The following GRK7 variants were observed in gnomAD, a reference collection of about 807,000 sequenced individuals.
GRK7 encodes rhodopsin kinase GRK7.
In GRK7, 24 loss-of-function variants were observed where a neutral mutation model predicts 34.1. The ratio of observed to expected loss-of-function variants is 0.70; its 90% CI spans 0.51 to 0.99. GRK7 has a LOEUF of 0.99. GRK7 is among the 50% of genes least tolerant of loss of function. GRK7 has a pLI of 0.00. For missense variants in GRK7, 644 were observed against 707.3 expected, an observed-to-expected ratio of 0.91 and a Z score of 1.02; for synonymous variants, 256 against 279.4, an observed-to-expected ratio of 0.92 and a Z score of 0.84.
intron 4 of GRK7, among the ~76,000 whole-genome samples, chr3:141,803,279 A>T (rs957037772): frequency 1.4e-3 from 209 of 151,518 alleles, no homozygotes; most frequent in African/African-American, 5.0e-3. Flanking sequence ...AAAAAAAAAA[A>T]AAAAAAGCCA....
intron 4 of GRK7, among the ~76,000 whole-genome samples, chr3:141,804,950 CACAT>C (rs1254798095): frequency 7.3e-5 from 11 of 151,532 alleles, no homozygotes; most frequent in South Asian, 6.3e-4. Context: ...CTCACATACA[CACAT>C]ACACACCACA....
At chr3:141,780,833 C>CCGCACTTGGGG in intron 4 of GRK7, 22 bp downstream of exon 4, 1 of 1,596,560 alleles carries the variant, frequency 6.3e-7, no homozygotes, top group Non-Finnish European at 8.6e-7. Context: ...TCCACCTGCC[C>CCGCACTTGGGG]CAAGTGCGGG....
At chr3:141,806,381 G>A (rs1249105217) in intron 4 of GRK7, among the ~76,000 whole-genome samples, 3 of 151,996 alleles carry the variant, frequency 2.0e-5, no homozygotes, top group Non-Finnish European at 2.9e-5. Context: ...TGGCCAACAT[G>A]GTGAAACCCC....
At chr3:141,756,008 T>TA in the GRK7 span, among the ~76,000 whole-genome samples, 221 of 137,568 alleles carry the variant, frequency 1.6e-3, 1 homozygote, top group Middle Eastern at 3.9e-3. Flanking sequence ...CTCAGCAGTT[T>TA]AAAAAAAAAA....
At chr3:141,777,491 ATTTTT>A (rs530806848) in intron 2 of GRK7, among the ~76,000 whole-genome samples, 2 of 80,562 alleles carry the variant, frequency 2.5e-5, no homozygotes, top group African/African-American at 1.2e-4. Flanking sequence ...AGCCCGGCTA[ATTTTT>A]TTTTTTTTTT....
intron 4 of GRK7, among the ~76,000 whole-genome samples, chr3:141,807,335 G>C (rs1483686698): frequency 6.6e-6 from 1 of 152,186 alleles, no homozygotes; most frequent in Non-Finnish European, 1.5e-5. Flanking sequence ...GAGGTGATGA[G>C]CCTAAGAGAG....
intron 4 of GRK7, among the ~76,000 whole-genome samples, chr3:141,804,668 T>G (rs1183323757): frequency 2.0e-5 from 3 of 147,702 alleles, no homozygotes; most frequent in Admixed American, 2.0e-4. Context: ...CACATACACA[T>G]GCACAGATAC....
intron 1 of GRK7, among the ~76,000 whole-genome samples, chr3:141,768,832 T>C (rs1054199203): frequency 6.6e-6 from 1 of 152,152 alleles, no homozygotes; most frequent in Non-Finnish European, 1.5e-5. Flanking sequence ...CAGCATTCGA[T>C]GCAGTTGGCC....
At chr3:141,772,690 C>T (rs1201751348) in intron 1 of GRK7, among the ~76,000 whole-genome samples, 1 of 152,066 alleles carries the variant, frequency 6.6e-6, no homozygotes, top group East Asian at 1.9e-4. Flanking sequence ...TTAAATGATG[C>T]AAAGGGTAAT....
chr3:141,750,016 C>CA, the GRK7 span, among the ~76,000 whole-genome samples: 12,496 of 124,540 alleles, frequency 0.1, 761 homozygotes, highest in African/African-American at 0.21. Flanking sequence ...GACTCCGTCT[C>CA]AAAAAAAAAA....
rs748255940 is a variant in GRK7 at position 141,780,497 on chromosome 3, G to T, written c.736G>T (p.Val246Phe). Residue 246 changes from valine (V) to phenylalanine (F), a missense_variant, in exon 4 of 6, where the codon GTC (valine) becomes TTC (phenylalanine). Coordinates refer to ENST00000682958, the MANE Select transcript of GRK7 (RefSeq NM_139209.3). ...ALLEKEILEK[V>F]SSPFIVSLAY... is the part of the protein sequence containing the mutation. ...CTTGGAAAAGGAAATCTTGGAGAAG[G>T]TCAGCAGCCCTTTCATTGTCTCTCT... 29 of 1,614,220 alleles carry T rather than the reference G, an allele frequency of 1.8e-5. No individual in the cohort carries two copies. The highest frequency in any genetic ancestry group is 2.5e-5 in the Non-Finnish European group (29 of 1,180,036).
intron 4 of GRK7, among the ~76,000 whole-genome samples, chr3:141,790,918 C>T (rs1678733031): frequency 6.6e-6 from 1 of 152,194 alleles, no homozygotes; most frequent in African/African-American, 2.4e-5. Flanking sequence ...CAGTTGACAT[C>T]TACATGCACA....
In GRK7 at chr3:141,788,233, A is replaced by G. The variant is rs544233604; in HGVS notation, c.1050+7422A>G. 9.9e-5 allele frequency among the ~76,000 whole-genome samples: 15 copies of G among 152,266 alleles called. 1 individual carries two copies. Among genetic ancestry groups the G allele is most frequent in the African/African-American group, 3.6e-4 (15 of 41,558 alleles). On this transcript the variant is annotated intron_variant, in intron 4 of 5. Transcript: ENST00000682958. ...CTTTGGATGTTGTTCTACAGGCAGT[A>G]GGGAGCCATTGAAGGTTTTTGAACA...
intron 1 of GRK7, among the ~76,000 whole-genome samples, chr3:141,768,769 C>T (rs1365760558): frequency 6.6e-6 from 1 of 152,136 alleles, no homozygotes; most frequent in Non-Finnish European, 1.5e-5. Flanking sequence ...CTCCAGGAGC[C>T]AGTGGTTTCC....
rs1220828021 is a variant in GRK7 at position 141,764,783 on chromosome 3, C to T, written c.-1170C>T. On this transcript the variant is annotated 5_prime_UTR_variant, in exon 1 of 6. Coordinates refer to ENST00000682958, the MANE Select transcript of GRK7 (RefSeq NM_139209.3). ...CCTGGCAGGTCAAATTTAACAGGTACAAGACTGAGCTCTTGATCTTCCCCA... is the reference window on the plus strand; with the variant it reads ...CCTGGCAGGTCAAATTTAACAGGTATAAGACTGAGCTCTTGATCTTCCCCA... 6.6e-6 allele frequency among the ~76,000 whole-genome samples: 1 copy of T among 152,138 alleles called. No homozygotes were observed. Among genetic ancestry groups the T allele is most frequent in the African/African-American group, 2.4e-5 (1 of 41,426 alleles).
intron 4 of GRK7, among the ~76,000 whole-genome samples, chr3:141,781,670 T>C (rs1317281271): frequency 2.0e-5 from 3 of 152,124 alleles, no homozygotes; most frequent in African/African-American, 7.2e-5. Flanking sequence ...TGGGCGAATG[T>C]TTTGCATTGG....
chr3:141,813,950 T>C (rs1047583873), intron 5 of GRK7, among the ~76,000 whole-genome samples: 1 of 152,210 alleles, frequency 6.6e-6, no homozygotes, highest in Non-Finnish European at 1.5e-5. Flanking sequence ...CAGTAGGCCC[T>C]GAATAAATGT....
chr3:141,773,216 C>T (rs568505043), intron 1 of GRK7, among the ~76,000 whole-genome samples: 20 of 151,184 alleles, frequency 1.3e-4, no homozygotes, highest in Admixed American at 2.6e-4. Context: ...GGTTAGTCTT[C>T]TTTTTGTGGT....
At chr3:141,797,028 G>T (rs1301299447) in intron 4 of GRK7, among the ~76,000 whole-genome samples, 1 of 152,214 alleles carries the variant, frequency 6.6e-6, no homozygotes, top group Non-Finnish European at 1.5e-5. Context: ...AGCGGCTGTG[G>T]GTGACCGGCT....
Sources: allele counts gnomAD v4.1 joint callset (sites outside exome capture counted in the v4.1 genomes callset), GRCh38; gene constraint gnomAD v4.1.1; transcripts MANE v1.5; gene names NCBI Gene and HGNC (gene_info 2026-07-23, HGNC 2026-07-21).